Variants in RBM33 observed in about 807,000 individuals in gnomAD.
The protein encoded by RBM33 is RNA binding motif protein 33.
Under a neutral mutation model 132.6 loss-of-function variants are expected in RBM33, and 28 were observed. That is an observed-to-expected ratio of 0.21 (90% CI 0.16 to 0.29). The LOEUF (loss-of-function observed/expected upper bound fraction) is 0.29. Among genes scored for constraint, RBM33 ranks in the 10% least tolerant of loss-of-function variants. RBM33 has a pLI of 1.00. For missense variants in RBM33, 1,291 were observed against 1,518.5 expected (o/e 0.85, Z 2.49); for synonymous variants, 634 against 593.0 (o/e 1.07, Z -1.01).
chr7:155,687,509 T>C (rs1303336851), intron 5 of RBM33, among the ~76,000 whole-genome samples: 3 of 152,220 alleles, frequency 2.0e-5, no homozygotes, highest in Admixed American at 1.3e-4. Context: ...TTTTGGCTTT[T>C]GTTGCCATTG....
intron 8 of RBM33, 63 bp downstream of exon 8, chr7:155,711,518 G>A (rs2116977758): frequency 1.7e-6 from 2 of 1,146,338 alleles, no homozygotes; most frequent in African/African-American, 1.6e-5. Context: ...GTTTGACTTA[G>A]GATTTTTCCA....
At chr7:155,724,258 A>G (rs7803967) in intron 9 of RBM33, among the ~76,000 whole-genome samples, 5,680 of 152,218 alleles carry the variant, frequency 0.037, 349 homozygotes, top group African/African-American at 0.13. Context: ...ATCAAAAGCA[A>G]TTCTTCTGGC....
chr7:155,742,648 CTTG>C (rs1801387646), intron 13 of RBM33, among the ~76,000 whole-genome samples: 1 of 152,152 alleles, frequency 6.6e-6, no homozygotes, highest in Non-Finnish European at 1.5e-5. Flanking sequence ...GACCAATTTT[CTTG>C]TTGGTCTTTT....
intron 16 of RBM33, among the ~76,000 whole-genome samples, chr7:155,772,081 G>A (rs1370805888): frequency 3.9e-5 from 6 of 152,196 alleles, no homozygotes; most frequent in Admixed American, 6.5e-5. Context: ...TTTAGAGAAG[G>A]TCCATTATTG....
rs772770205 is a variant in RBM33 at position 155,739,666 on chromosome 7, C to T, written c.1738-49C>T. The T allele has an allele frequency of 1.8e-5, 27 of 1,487,334 alleles. 1 individual carries two copies. Among genetic ancestry groups the T allele is most frequent in the South Asian group, 8.0e-5 (6 of 74,878 alleles). The allele number at this position is 1,487,334 out of a possible 1,614,324, so 92.1% of individuals were successfully genotyped here. A position where few individuals can be genotyped will look rare whatever the true frequency, so the allele number is the denominator to read the frequency against. On this transcript the variant is annotated intron_variant, in intron 11 of 17. Transcript: ENST00000401878. Reference sequence around the variant, plus strand: ...AGGAAATGATTGAAGTGATTATGCCCGGTGTAACCATTTATGAACTGTTGT... The same window carrying T: ...AGGAAATGATTGAAGTGATTATGCCTGGTGTAACCATTTATGAACTGTTGT...
chr7:155,706,915 G>C lies in RBM33; in HGVS notation c.795G>C (p.Gln265His). 6.2e-7 allele frequency: 1 copy of C among 1,607,278 alleles called. No individual in the cohort carries two copies. The highest frequency in any genetic ancestry group is 8.5e-7 in the Non-Finnish European group (1 of 1,177,014). ...ALLEFEERER[Q>H]HKQGRYSSRR... The stretch of plus-strand genomic sequence containing the variant: ...TTGAATTTGAAGAAAGGGAGCGACA[G>C]CATAAACAAGGACGCTACAGCTCCA... The change falls in exon 7 of 18, where the codon CAG becomes CAC. Residue 265 changes from glutamine (Q) to histidine (H), a missense_variant. Around this residue, in one of 7 missense-constraint regions of RBM33, gnomAD observed 34 missense variants for 46.5 expected, o/e 0.73. Transcript: ENST00000401878.
At chr7:155,673,566 A>G (rs1315362709) in intron 3 of RBM33, among the ~76,000 whole-genome samples, 1 of 60,238 alleles carries the variant, frequency 1.7e-5, no homozygotes, top group African/African-American at 9.2e-5. Context: ...ATATACACAC[A>G]TATACATACA....
chr7:155,776,433 A>G lies in RBM33; in HGVS notation c.*1392A>G, dbSNP rs1476533147. The G allele has an allele frequency of 6.6e-6, 1 of 152,242 alleles. No individual in the cohort carries two copies. The highest frequency in any genetic ancestry group is 1.5e-5 in the Non-Finnish European group (1 of 68,050). The allele number at this position is 152,242 out of a possible 1,614,324, so 9.4% of individuals were successfully genotyped here. A position where few individuals can be genotyped will look rare whatever the true frequency, so the allele number is the denominator to read the frequency against. On this transcript the variant is annotated 3_prime_UTR_variant, in exon 18 of 18. Coordinates refer to ENST00000401878, the MANE Select transcript of RBM33 (RefSeq NM_053043.3). This position sits in a 1 kb window ranked among gnomAD's most constrained non-coding sequence, Gnocchi z 4.0. Reference sequence around the variant, plus strand: ...GCTCTCAGCCTCCTAGAAGGAAGGGACTAAGGAGACGGGCACAGACTTGCG... The same window carrying G: ...GCTCTCAGCCTCCTAGAAGGAAGGGGCTAAGGAGACGGGCACAGACTTGCG...
At position 155,711,161 on chromosome 7, in the gene RBM33, TGTGA is replaced by T; in HGVS notation, c.949-41_949-38del. 4.1e-6 allele frequency: 6 copies of T among 1,451,728 alleles called. No individual in the cohort carries two copies. The South Asian group carries it at 5.9e-5, about 14-fold the overall frequency. The allele number at this position is 1,451,728 out of a possible 1,614,324, so 89.9% of individuals were successfully genotyped here. ...TTCGGTGAACTTTTGTTTTTTTTTT[TGTGA>T]TTTGTAGACTCATTCTCCAAGGTTA... is the stretch of plus-strand genomic sequence containing the variant. On this transcript the variant is annotated intron_variant, in intron 7 of 17. Transcript: ENST00000401878.
chr7:155,744,280 T>C (rs564588483), intron 13 of RBM33, among the ~76,000 whole-genome samples: 1 of 152,356 alleles, frequency 6.6e-6, no homozygotes, highest in African/African-American at 2.4e-5. Context: ...ATTTTCCCTA[T>C]TGGATGCTTT....
chr7:155,697,660 A>C (rs892162309), intron 5 of RBM33, among the ~76,000 whole-genome samples: 1 of 152,070 alleles, frequency 6.6e-6, no homozygotes, highest in African/African-American at 2.4e-5. Flanking sequence ...TAGAATATTG[A>C]ATTTTCTTTC....
intron 15 of RBM33, among the ~76,000 whole-genome samples, chr7:155,765,170 C>T (rs1197310318): frequency 2.6e-5 from 4 of 152,138 alleles, no homozygotes; most frequent in Non-Finnish European, 5.9e-5. Context: ...TCCTATCTTA[C>T]TTAAGCAATT....
At chr7:155,652,118 G>A (rs1798371519) in intron 1 of RBM33, among the ~76,000 whole-genome samples, 1 of 152,124 alleles carries the variant, frequency 6.6e-6, no homozygotes, top group African/African-American at 2.4e-5. Flanking sequence ...TATAAAATAA[G>A]GAATTTTGAC....
intron 6 of RBM33, among the ~76,000 whole-genome samples, chr7:155,705,814 A>T (rs1244128922): frequency 6.6e-6 from 1 of 152,196 alleles, no homozygotes; most frequent in Non-Finnish European, 1.5e-5. Context: ...TCCCTAAAGC[A>T]TTGGGCAGAG....
rs73502319 is a variant in RBM33 at position 155,702,375 on chromosome 7, A to G, written c.739+1431A>G. Reference sequence around the variant, plus strand: ...TTTGTTCTCTTTTTCTTTGTGGTCTAGTTTACTACTACTCCATCTTGTGGC... The same window carrying G: ...TTTGTTCTCTTTTTCTTTGTGGTCTGGTTTACTACTACTCCATCTTGTGGC... On this transcript the variant is annotated intron_variant, in intron 6 of 17. Transcript: ENST00000401878. Among the ~76,000 whole-genome samples the G allele has an allele frequency of 4.6e-3, 703 of 152,278 alleles. 7 individuals are homozygous for G. Among genetic ancestry groups the G allele is most frequent in the African/African-American group, 0.016 (662 of 41,572 alleles).
At chr7:155,711,659 G>A (rs1321608404) in intron 8 of RBM33, among the ~76,000 whole-genome samples, 1 of 152,194 alleles carries the variant, frequency 6.6e-6, no homozygotes, top group Non-Finnish European at 1.5e-5. Flanking sequence ...AGCTGGGCAG[G>A]GGGAGCTGCG....
rs181055352 is a variant in RBM33 at position 155,707,759 on chromosome 7, C to G, written c.948+691C>G. ...GCAACCTACACCTCCTGGGTTCAAGCGATTCTCCTGCCTCAATCTCTTTAG... is the reference window on the plus strand; with the variant it reads ...GCAACCTACACCTCCTGGGTTCAAGGGATTCTCCTGCCTCAATCTCTTTAG... On this transcript the variant is annotated intron_variant, in intron 7 of 17. Transcript: ENST00000401878. 1.1e-4 allele frequency among the ~76,000 whole-genome samples: 16 copies of G among 152,258 alleles called. No homozygotes were observed. The East Asian group carries it at 3.1e-3, about 29-fold the overall frequency.
At chr7:155,651,156 G>T (rs1462902355) in intron 1 of RBM33, among the ~76,000 whole-genome samples, 1 of 152,184 alleles carries the variant, frequency 6.6e-6, no homozygotes, top group East Asian at 1.9e-4. Context: ...AGGATTACAG[G>T]CGTGAGCCAC....
chr7:155,645,510 C>T (rs139735200), intron 1 of RBM33, among the ~76,000 whole-genome samples: 1 of 152,274 alleles, frequency 6.6e-6, no homozygotes, highest in Non-Finnish European at 1.5e-5. Flanking sequence ...GTTTTATGTG[C>T]GTCTTCCAAA....
Sources: gnomAD v4.1 joint callset for allele counts (sites outside exome capture counted in the v4.1 genomes callset) on GRCh38, gnomAD v4.1.1 for gene constraint, gnomAD v4.1.1 regional missense constraint, Gnocchi (gnomAD v3.1) non-coding constraint, MANE v1.5 for transcripts, NCBI Gene and HGNC (gene_info 2026-07-23, HGNC 2026-07-21) for gene names.